BTG4: variants seen among roughly 807,000 people sequenced by gnomAD.
BTG4 encodes the protein protein BTG4.
BTG4 carries 10 observed loss-of-function variants against 19.3 expected under a neutral mutation model. The ratio of observed to expected loss-of-function variants is 0.52; its 90% CI spans 0.32 to 0.88. The LOEUF is 0.88. Ranked by LOEUF, BTG4 falls within the 40% of genes least tolerant of loss-of-function variation. The probability of loss-of-function intolerance (pLI) is 0.04; values close to 1 mark genes in which losing one functional copy is unlikely to be tolerated. For synonymous variants in BTG4, 91 were observed against 95.7 expected (o/e 0.95, Z 0.29); for missense variants, 238 against 281.9 (o/e 0.84, Z 1.11).
intron 5 of BTG4, among the ~76,000 whole-genome samples, chr11:111,471,390 G>A (rs931307394): frequency 1.3e-5 from 2 of 152,078 alleles, no homozygotes; most frequent in African/African-American, 2.4e-5. Flanking sequence ...AATTCTGTTG[G>A]ACCCCAATTC....
At chr11:111,500,373 C>A (rs1865994899) in intron 1 of BTG4, among the ~76,000 whole-genome samples, 1 of 152,178 alleles carries the variant, frequency 6.6e-6, no homozygotes, top group Admixed American at 6.5e-5. Context: ...AATTCACTGT[C>A]TTACAAGGAA....
chr11:111,476,160 A>ACACACACACACACACACACACACACACAC (rs1565446271), intron 5 of BTG4, among the ~76,000 whole-genome samples: 1 of 151,708 alleles, frequency 6.6e-6, no homozygotes, highest in African/African-American at 2.4e-5. Flanking sequence ...ACACACACAC[A>ACACACACACACACACACACACACACACAC]ATAAAATATT....
chr11:111,403,936 T>C, the BTG4 span, among the ~76,000 whole-genome samples: 31 of 152,224 alleles, frequency 2.0e-4, no homozygotes, highest in Non-Finnish European at 1.5e-5. Context: ...GACTCTGTAT[T>C]GATTATTTCA....
chr11:111,416,196 G>A, the BTG4 span, among the ~76,000 whole-genome samples: 1 of 152,112 alleles, frequency 6.6e-6, no homozygotes, highest in African/African-American at 2.4e-5. Flanking sequence ...GGGTACTACT[G>A]AGGGTTGAGC....
At chr11:111,436,524 G>A in the BTG4 span, among the ~76,000 whole-genome samples, 1 of 152,022 alleles carries the variant, frequency 6.6e-6, no homozygotes, top group Non-Finnish European at 1.5e-5. Context: ...TACTCAGGGG[G>A]CTGAGGCAGA....
intron 1 of BTG4, among the ~76,000 whole-genome samples, chr11:111,511,970 C>T (rs1866966504): frequency 6.6e-6 from 1 of 151,978 alleles, no homozygotes; most frequent in South Asian, 2.1e-4. Flanking sequence ...TCAAGAGGAC[C>T]ACGATTTGAT....
the BTG4 span, chr11:111,455,668 G>A: frequency 2.6e-5 from 10 of 381,826 alleles, no homozygotes; most frequent in Non-Finnish European, 5.5e-5. Context: ...CATGAAATGG[G>A]GAGGAGAGAA....
At chr11:111,445,009 T>C in the BTG4 span, among the ~76,000 whole-genome samples, 9 of 152,034 alleles carry the variant, frequency 5.9e-5, no homozygotes, top group Non-Finnish European at 1.2e-4. Flanking sequence ...ACAAAGACAA[T>C]AGATATTGGT....
the BTG4 span, chr11:111,456,489 A>G: frequency 2.2e-6 from 1 of 456,406 alleles, no homozygotes; most frequent in Non-Finnish European, 4.4e-6. This position sits in a 1 kb window ranked among gnomAD's most constrained non-coding sequence, Gnocchi z 4.2. Flanking sequence ...CCCAGGGCTG[A>G]GCAGGCAATG....
chr11:111,474,212 G>A (rs1012819499), intron 5 of BTG4, among the ~76,000 whole-genome samples: 2 of 152,010 alleles, frequency 1.3e-5, no homozygotes, highest in African/African-American at 2.4e-5. Context: ...TAAAATAACA[G>A]CTTTAAAAGT....
the BTG4 span, among the ~76,000 whole-genome samples, chr11:111,437,963 G>GC: frequency 6.6e-6 from 1 of 152,100 alleles, no homozygotes; most frequent in Non-Finnish European, 1.5e-5. Context: ...CAGGCCCATA[G>GC]CCCCCCAAGC....
chr11:111,387,839 C>T, the BTG4 span, among the ~76,000 whole-genome samples: 9 of 152,060 alleles, frequency 5.9e-5, no homozygotes, highest in Non-Finnish European at 1.3e-4. Flanking sequence ...TGTTTCTGGG[C>T]TATTCTACTC....
the BTG4 span, chr11:111,454,143 A>T: frequency 2.7e-6 from 1 of 376,588 alleles, no homozygotes; most frequent in South Asian, 2.1e-5. Context: ...TGGACTGTTG[A>T]GGCTCTATAG....
the BTG4 span, among the ~76,000 whole-genome samples, chr11:111,393,491 G>T: frequency 0.04 from 6,126 of 152,250 alleles, 415 homozygotes; most frequent in African/African-American, 0.14. Context: ...GATGCTGGTT[G>T]CCCAAAGAAC....
chr11:111,440,749 G>A, the BTG4 span, among the ~76,000 whole-genome samples: 2 of 152,214 alleles, frequency 1.3e-5, no homozygotes, highest in Non-Finnish European at 2.9e-5. Flanking sequence ...CAAGACAGGG[G>A]GAATGCCCCA....
At chr11:111,454,978 C>T in the BTG4 span, 1 of 456,500 alleles carries the variant, frequency 2.2e-6, no homozygotes, top group Non-Finnish European at 4.4e-6. Flanking sequence ...ACTCCTCTAC[C>T]TTAAACTTCT....
intron 5 of BTG4, among the ~76,000 whole-genome samples, chr11:111,483,654 A>G (rs1453936690): frequency 6.6e-6 from 1 of 152,214 alleles, no homozygotes; most frequent in Non-Finnish European, 1.5e-5. Context: ...AGTGAGTTTG[A>G]GTCAGGCTAC....
chr11:111,389,018 A>C, the BTG4 span, among the ~76,000 whole-genome samples: 3 of 152,258 alleles, frequency 2.0e-5, no homozygotes, highest in Non-Finnish European at 4.4e-5. Context: ...AAACACCATG[A>C]AAATAGGAAT....
chr11:111,442,536 ACACACACACC>A, the BTG4 span, among the ~76,000 whole-genome samples: 14 of 151,180 alleles, frequency 9.3e-5, no homozygotes, highest in South Asian at 6.3e-4. Context: ...ACACACACAC[ACACACACACC>A]AGATGAGCCT....
Sources: allele counts gnomAD v4.1 joint callset (sites outside exome capture counted in the v4.1 genomes callset), GRCh38; gene constraint gnomAD v4.1.1; non-coding constraint Gnocchi (gnomAD v3.1); transcripts MANE v1.5; gene names NCBI Gene and HGNC (gene_info 2026-07-23, HGNC 2026-07-21).